GJC1: variants seen among roughly 807,000 people sequenced by gnomAD.
GJC1 encodes the protein gap junction gamma-1 protein.
Under a neutral mutation model 29.3 loss-of-function variants are expected in GJC1, and 5 were observed. The ratio of observed to expected loss-of-function variants is 0.17; its 90% CI spans 0.09 to 0.36. The LOEUF (loss-of-function observed/expected upper bound fraction) is 0.36. Among genes scored for constraint, GJC1 ranks in the 10% least tolerant of loss-of-function variants. The probability of loss-of-function intolerance (pLI) is 1.00; values close to 1 mark genes in which losing one functional copy is unlikely to be tolerated. For missense variants in GJC1, 310 were observed against 496.2 expected, an observed-to-expected ratio of 0.62 and a Z score of 3.56; for synonymous variants, 177 against 183.3, an observed-to-expected ratio of 0.97 and a Z score of 0.28.
chr17:44,797,532 G>T (rs961594177), downstream of GJC1: 1 of 152,122 alleles, frequency 6.6e-6, no homozygotes, highest in Non-Finnish European at 1.5e-5. Flanking sequence ...CCCTCCTCTT[G>T]CAAGAACAAA....
At chr17:44,821,726 C>A (rs796305864) in intron 1 of GJC1, among the ~76,000 whole-genome samples, 17,391 of 72,842 alleles carry the variant, frequency 0.24, 1,634 homozygotes, top group Middle Eastern at 0.29. Context: ...AAAAAAAAAA[C>A]AACAAAAAAA....
rs149970901 is a variant in GJC1 at position 44,807,980 on chromosome 17, T to G, written c.-96-511A>C. Reference sequence around the variant, plus strand: ...GTCTCCATGGGAGGTGATTTACAGATACAACTACTCACAAAAAGTCACAGA... The same window carrying G: ...GTCTCCATGGGAGGTGATTTACAGAGACAACTACTCACAAAAAGTCACAGA... On this transcript the variant is annotated intron_variant, in intron 1 of 2. Transcript: ENST00000592524. 7.7e-3 allele frequency: 1,166 copies of G among 152,248 alleles called. 12 individuals carry two copies. The highest frequency in any genetic ancestry group is 0.011 in the Non-Finnish European group (774 of 68,024). 9.4% of individuals were successfully genotyped at this position (152,248 alleles called of 1,614,324 possible).
intron 1 of GJC1, among the ~76,000 whole-genome samples, chr17:44,825,636 G>C (rs907710411): frequency 1.3e-5 from 2 of 152,050 alleles, no homozygotes; most frequent in Non-Finnish European, 2.9e-5. Context: ...TTAGCTGGGC[G>C]TGGTGGTGGA....
intron 1 of GJC1, among the ~76,000 whole-genome samples, chr17:44,820,742 C>A (rs940309961): frequency 6.6e-6 from 1 of 152,130 alleles, no homozygotes; most frequent in African/African-American, 2.4e-5. Flanking sequence ...TACCCCTGAA[C>A]GCGACTGCTT....
rs2049907889 is a variant in GJC1, at chr17:44,805,932, A to C, written c.-20-95T>G. Reference sequence around the variant, plus strand: ...ATATCTCTAGGAACTACTGCTTTGAATACTTGAAATCTAACCTCAAGGTTC... The same window carrying C: ...ATATCTCTAGGAACTACTGCTTTGACTACTTGAAATCTAACCTCAAGGTTC... On this transcript the variant is annotated intron_variant, in intron 2 of 2. Transcript: ENST00000592524. The surrounding 1 kb of genome is among the most constrained non-coding windows in gnomAD (Gnocchi z 5.1). The C allele has an allele frequency of 4.7e-6, 3 of 642,244 alleles. No homozygotes were observed. In the South Asian group the frequency reaches 6.3e-5, roughly 14 times the overall value. The allele number at this position is 642,244 out of a possible 1,614,324, so 39.8% of individuals were successfully genotyped here.
At position 44,801,013 on chromosome 17, in the gene GJC1, C is replaced by A. The variant is rs141672455; in HGVS notation, c.*3614G>T. ...AGAGCAGGCCAGGCGCGGTGGCTCA[C>A]GCCTGTAATCACAGCACTTTGGGAA... is the stretch of plus-strand genomic sequence containing the variant. On this transcript the variant is annotated 3_prime_UTR_variant, in exon 3 of 3. Transcript: ENST00000592524. 6.6e-6 allele frequency: 1 copy of A among 151,748 alleles called. No homozygotes were observed. The highest frequency in any genetic ancestry group is 1.5e-5 in the Non-Finnish European group (1 of 67,996). 9.4% of individuals were successfully genotyped at this position (151,748 alleles called of 1,614,324 possible). A position where few individuals can be genotyped will look rare whatever the true frequency, so the allele number is the denominator to read the frequency against.
chr17:44,797,052 G>A (rs928046113), downstream of GJC1, among the ~76,000 whole-genome samples: 3 of 152,060 alleles, frequency 2.0e-5, no homozygotes. Flanking sequence ...GTCTCACTAT[G>A]TTGCCCAGAC....
chr17:44,823,270 T>TTTA (rs1339236882), intron 1 of GJC1, among the ~76,000 whole-genome samples: 18 of 124,176 alleles, frequency 1.4e-4, no homozygotes, highest in African/African-American at 5.5e-4. Flanking sequence ...TTTTTTTTTT[T>TTTA]AAGACGGAGT....
At chr17:44,826,235 T>G (rs2050174857) in intron 1 of GJC1, among the ~76,000 whole-genome samples, 1 of 152,114 alleles carries the variant, frequency 6.6e-6, no homozygotes, top group African/African-American at 2.4e-5. Context: ...TTTCATTTCT[T>G]TAGAAGTAAA....
intron 1 of GJC1, among the ~76,000 whole-genome samples, chr17:44,828,884 G>T (rs1292514440): frequency 1.3e-5 from 2 of 151,368 alleles, no homozygotes; most frequent in Non-Finnish European, 2.9e-5. Context: ...CATTATTAAC[G>T]CATTTTTCTA....
chr17:44,831,105 C>T (rs535419246), upstream of GJC1, among the ~76,000 whole-genome samples: 53 of 152,220 alleles, frequency 3.5e-4, 1 homozygote, highest in South Asian at 8.3e-4. Context: ...ATTATTTTGC[C>T]CTTTTGACCA....
intron 1 of GJC1, among the ~76,000 whole-genome samples, chr17:44,819,126 C>A (rs933405824): frequency 3.3e-5 from 5 of 151,970 alleles, no homozygotes; most frequent in Admixed American, 2.6e-4. Context: ...CATTATCAAC[C>A]ATCACCACTA....
intron 1 of GJC1, among the ~76,000 whole-genome samples, chr17:44,826,679 T>C (rs2050180557): frequency 6.6e-6 from 1 of 152,150 alleles, no homozygotes; most frequent in African/African-American, 2.4e-5. Context: ...ACTTGTAAAA[T>C]TCAAGAATGT....
intron 1 of GJC1, among the ~76,000 whole-genome samples, chr17:44,819,530 C>T (rs1372899089): frequency 1.3e-5 from 2 of 151,700 alleles, no homozygotes; most frequent in Admixed American, 1.3e-4. Flanking sequence ...TGGTGGCAGG[C>T]GCCTGTAGTC....
rs1405473231 is a variant in GJC1, at chr17:44,828,514, TATGTATCTCTTCA to T, written c.-97+1535_-97+1547del. On this transcript the variant is annotated intron_variant, in intron 1 of 2. Coordinates refer to ENST00000592524, the MANE Select transcript of GJC1 (RefSeq NM_005497.4). ...ATTAACAGACCTTCCATACAACTTC[TATGTATCTCTTCA>T]ATATGCCCTTTGCCTACAGCACTCT... Among the ~76,000 whole-genome samples, 4 of 152,226 alleles carry T rather than the reference TATGTATCTCTTCA, an allele frequency of 2.6e-5. No homozygotes were observed. In the East Asian group the frequency reaches 7.7e-4, roughly 29 times the overall value.
At chr17:44,812,420 T>C (rs1017725632) in intron 1 of GJC1, among the ~76,000 whole-genome samples, 1 of 152,082 alleles carries the variant, frequency 6.6e-6, no homozygotes, top group African/African-American at 2.4e-5. Flanking sequence ...CATGTGGGAG[T>C]TATTTATATC....
At chr17:44,819,927 G>A (rs577218634) in intron 1 of GJC1, among the ~76,000 whole-genome samples, 98 of 151,594 alleles carry the variant, frequency 6.5e-4, no homozygotes, top group Non-Finnish European at 1.2e-3. Flanking sequence ...GCATGATCTC[G>A]GCTCAATGCA....
In GJC1 at chr17:44,801,351, T is replaced by C. The variant is rs1386958260; in HGVS notation, c.*3276A>G. On this transcript the variant is annotated 3_prime_UTR_variant, in exon 3 of 3. Coordinates refer to ENST00000592524, the MANE Select transcript of GJC1 (RefSeq NM_005497.4). The stretch of plus-strand genomic sequence containing the variant: ...CCAAGTGTGTTAAGGAACATAATCA[T>C]GTTGATTGTATCCTGATTCTAGCAG... 1 of 152,188 alleles carries C rather than the reference T, an allele frequency of 6.6e-6. No homozygotes were observed. Among genetic ancestry groups the C allele is most frequent in the African/African-American group, 2.4e-5 (1 of 41,444 alleles). The allele number at this position is 152,188 out of a possible 1,614,324, so 9.4% of individuals were successfully genotyped here.
intron 1 of GJC1, among the ~76,000 whole-genome samples, chr17:44,825,511 A>T (rs954751901): frequency 1.3e-5 from 2 of 152,224 alleles, no homozygotes; most frequent in Non-Finnish European, 2.9e-5. Context: ...GGCCAGACAC[A>T]GTGGTTCGCG....
Sources: allele counts gnomAD v4.1 joint callset (sites outside exome capture counted in the v4.1 genomes callset), GRCh38; gene constraint gnomAD v4.1.1; non-coding constraint Gnocchi (gnomAD v3.1); transcripts MANE v1.5; gene names NCBI Gene and HGNC (gene_info 2026-07-23, HGNC 2026-07-21).